USP37: variants seen among roughly 807,000 people sequenced by gnomAD.
USP37 encodes the protein ubiquitin carboxyl-terminal hydrolase 37.
In USP37, 27 loss-of-function variants were observed where a neutral mutation model predicts 124.0. The observed-to-expected ratio is 0.22, with a 90% CI of 0.16 to 0.30. The LOEUF is 0.30. USP37 is among the 10% of genes least tolerant of loss of function. USP37 has a pLI of 1.00. For synonymous variants in USP37, 365 were observed against 388.0 expected, an observed-to-expected ratio of 0.94 and a Z score of 0.70; for missense variants, 889 against 1,140.4, an observed-to-expected ratio of 0.78 and a Z score of 3.17.
At chr2:218,544,686 G>A (rs1302546410) in intron 8 of USP37, among the ~76,000 whole-genome samples, 3 of 152,112 alleles carry the variant, frequency 2.0e-5, no homozygotes, top group African/African-American at 7.2e-5. Context: ...AACAGAATCA[G>A]ACTGCTAGAT....
intron 8 of USP37, among the ~76,000 whole-genome samples, chr2:218,544,459 A>AGAGAGG (rs1457872657): frequency 7.0e-6 from 1 of 143,250 alleles, no homozygotes; most frequent in African/African-American, 2.6e-5. Context: ...AGAGAGAGAG[A>AGAGAGG]GACCCCAATT....
intron 11 of USP37, among the ~76,000 whole-genome samples, chr2:218,506,798 A>AT (rs924732057): frequency 1.7e-4 from 25 of 146,228 alleles, no homozygotes; most frequent in Admixed American, 4.8e-4. Context: ...CTCAGTTTGA[A>AT]TTTTTTTTTT....
intron 8 of USP37, among the ~76,000 whole-genome samples, chr2:218,536,566 A>G (rs1296643961): frequency 2.0e-5 from 3 of 152,236 alleles, no homozygotes; most frequent in Non-Finnish European, 4.4e-5. Context: ...AGATTTCTGT[A>G]ATATCAGGAT....
At chr2:218,490,919 G>C (rs1247799724) in intron 14 of USP37, among the ~76,000 whole-genome samples, 1 of 152,114 alleles carries the variant, frequency 6.6e-6, no homozygotes, top group Non-Finnish European at 1.5e-5. Context: ...TGTTGTCCAG[G>C]CTGGAGAGCA....
At chr2:218,477,143 C>T (rs187007115) in intron 18 of USP37, among the ~76,000 whole-genome samples, 162 bp from the exon 19 acceptor site, 1 of 152,328 alleles carries the variant, frequency 6.6e-6, no homozygotes, top group Non-Finnish European at 1.5e-5. Context: ...CTTTGCCCCA[C>T]TCCAAAAGAG....
At chr2:218,563,486 T>A (rs1186912382) in intron 1 of USP37, among the ~76,000 whole-genome samples, 2 of 152,334 alleles carry the variant, frequency 1.3e-5, no homozygotes, top group East Asian at 3.9e-4. Context: ...TCTTAAAACT[T>A]CCATAACATG....
At chr2:218,465,871 T>C in intron 21 of USP37, 139 bp downstream of exon 21, 1 of 1,149,122 alleles carries the variant, frequency 8.7e-7, no homozygotes, top group Non-Finnish European at 1.2e-6. Flanking sequence ...CAAGTCTTTT[T>C]TTTCCCCAAT....
At chr2:218,521,616 T>C (rs1204382727) in intron 10 of USP37, among the ~76,000 whole-genome samples, 1 of 152,192 alleles carries the variant, frequency 6.6e-6, no homozygotes, top group African/African-American at 2.4e-5. Flanking sequence ...CTGTATCAGT[T>C]TGCTGAGAAT....
intron 20 of USP37, among the ~76,000 whole-genome samples, chr2:218,467,249 A>C (rs895901767): frequency 6.7e-6 from 1 of 149,398 alleles, no homozygotes; most frequent in African/African-American, 2.5e-5. Flanking sequence ...CTTTCAGGCA[A>C]TTCTCCCGCC....
In USP37 at chr2:218,468,454, G is replaced by A. The variant is rs956361418; in HGVS notation, c.2300-2278C>T. Among the ~76,000 whole-genome samples, 15 of 151,518 alleles carry A rather than the reference G, an allele frequency of 9.9e-5. No homozygotes were observed. In the East Asian group the frequency reaches 2.9e-3, roughly 30 times the overall value. On this transcript the variant is annotated intron_variant, in intron 20 of 25. Transcript: ENST00000258399. ...GTCAGGCTGGTCTCGAACTCCTGAC[G>A]TCAGGTGATCCATCAGCCTTTGCTT...
chr2:218,548,829 T>C (rs1005948109), intron 6 of USP37, among the ~76,000 whole-genome samples: 7 of 152,186 alleles, frequency 4.6e-5, no homozygotes, highest in Non-Finnish European at 7.3e-5. Context: ...CTAACGAGAA[T>C]TACTACTTGT....
chr2:218,560,448 C>A (rs756352494), intron 3 of USP37, among the ~76,000 whole-genome samples: 3 of 152,152 alleles, frequency 2.0e-5, no homozygotes, highest in Non-Finnish European at 2.9e-5. Flanking sequence ...TGAAATAATA[C>A]ATACTAGGCA....
intron 11 of USP37, among the ~76,000 whole-genome samples, chr2:218,504,807 G>A (rs916052818): frequency 1.3e-5 from 2 of 152,026 alleles, no homozygotes; most frequent in Non-Finnish European, 2.9e-5. Context: ...GGCTGGTCTT[G>A]AACTCTCAAG....
intron 21 of USP37, among the ~76,000 whole-genome samples, chr2:218,464,114 C>A (rs1690182837): frequency 6.6e-6 from 1 of 152,136 alleles, no homozygotes; most frequent in African/African-American, 2.4e-5. Flanking sequence ...GCCTCAGCCT[C>A]CCAAAGTGCT....
At chr2:218,557,992 T>C (rs939758224) in intron 4 of USP37, among the ~76,000 whole-genome samples, 2 of 145,134 alleles carry the variant, frequency 1.4e-5, no homozygotes, top group African/African-American at 2.5e-5. Context: ...ATGAAGATTC[T>C]TCAAAACTTC....
chr2:218,460,360 A>G (rs1180126374), intron 22 of USP37, among the ~76,000 whole-genome samples: 4 of 152,150 alleles, frequency 2.6e-5, no homozygotes, highest in Non-Finnish European at 5.9e-5. Flanking sequence ...ATAAAACGTA[A>G]TATGACGGTC....
intron 9 of USP37, among the ~76,000 whole-genome samples, chr2:218,531,463 T>C (rs1381224347): frequency 6.6e-6 from 1 of 152,200 alleles, no homozygotes; most frequent in Non-Finnish European, 1.5e-5. Context: ...ACAATGCACC[T>C]AGTAACACAA....
At chr2:218,485,286 A>AT (rs748064776) in intron 16 of USP37, among the ~76,000 whole-genome samples, 11 of 151,974 alleles carry the variant, frequency 7.2e-5, no homozygotes, top group Non-Finnish European at 1.6e-4. Flanking sequence ...TCTCTTCAAT[A>AT]TTTCAAACGC....
In USP37 at chr2:218,476,917, G is replaced by A; in HGVS notation, c.1966C>T (p.Leu656=). ...LCLDSDSEDE[L]KRSVALSQRL... ...TGGCTGAGGGCCACAGAACGTTTTA[G>A]CTCATCCTCACTGTCTGAATCAAGG... The change falls in exon 19 of 26, where the codon CTA becomes TTA. Residue 656 remains leucine, a synonymous_variant. Transcript: ENST00000258399. 3 of 1,609,102 alleles carry A rather than the reference G, an allele frequency of 1.9e-6. No homozygotes were observed. The highest frequency in any genetic ancestry group is 2.5e-6 in the Non-Finnish European group (3 of 1,177,998).
Sources: gnomAD v4.1 joint callset for allele counts (sites outside exome capture counted in the v4.1 genomes callset) on GRCh38, gnomAD v4.1.1 for gene constraint, MANE v1.5 for transcripts, NCBI Gene and HGNC (gene_info 2026-07-23, HGNC 2026-07-21) for gene names.